Variants in KIAA1217 observed in about 807,000 individuals in gnomAD.
The protein encoded by KIAA1217 is KIAA1217.
In KIAA1217, 88 loss-of-function variants were observed where a neutral mutation model predicts 163.9. The observed-to-expected ratio is 0.54, with a 90% confidence interval of 0.45 to 0.64. KIAA1217 has a LOEUF of 0.64. Ranked by LOEUF, KIAA1217 falls within the 30% of genes least tolerant of loss-of-function variation. The pLI is 0.00. For missense variants in KIAA1217, 2,372 were observed against 2,475.0 expected, an observed-to-expected ratio of 0.96 and a Z score of 0.88; for synonymous variants, 903 against 923.1, an observed-to-expected ratio of 0.98 and a Z score of 0.39.
chr10:23,710,755 G>A (rs1487250268), intron 1 of KIAA1217, among the ~76,000 whole-genome samples: 1 of 152,124 alleles, frequency 6.6e-6, no homozygotes, highest in African/African-American at 2.4e-5. Context: ...AATCTGAATT[G>A]CAGAATAGAT....
At chr10:23,864,063 TGTAAA>T (rs751984275) in intron 1 of KIAA1217, among the ~76,000 whole-genome samples, 3 of 142,956 alleles carry the variant, frequency 2.1e-5, no homozygotes, top group African/African-American at 5.6e-5. Context: ...ACAAAAACCT[TGTAAA>T]GTAGTTATTA....
At chr10:23,997,579 GATA>G (rs1291147265) in intron 1 of KIAA1217, among the ~76,000 whole-genome samples, 1 of 152,124 alleles carries the variant, frequency 6.6e-6, no homozygotes, top group East Asian at 1.9e-4. Context: ...AAGGTTTCAG[GATA>G]ATATTTTCTA....
At chr10:23,931,686 C>T (rs1843257688) in intron 1 of KIAA1217, among the ~76,000 whole-genome samples, 1 of 152,154 alleles carries the variant, frequency 6.6e-6, no homozygotes, top group Admixed American at 6.6e-5. Context: ...CAAACGAGCC[C>T]CACTTTCCTT....
At chr10:24,264,578 G>A (rs553166766) in intron 2 of KIAA1217, among the ~76,000 whole-genome samples, 7 of 152,274 alleles carry the variant, frequency 4.6e-5, no homozygotes, top group African/African-American at 1.2e-4. Flanking sequence ...GAGTGATAAC[G>A]TGTTTCCTTC....
intron 2 of KIAA1217, among the ~76,000 whole-genome samples, chr10:24,136,940 A>G (rs2131822297): frequency 6.6e-6 from 1 of 152,324 alleles, no homozygotes; most frequent in Non-Finnish European, 1.5e-5. Flanking sequence ...GCTAACATTG[A>G]GAAGATTTTT....
chr10:24,353,942 G>A (rs1393080274), intron 2 of KIAA1217, among the ~76,000 whole-genome samples: 1 of 152,174 alleles, frequency 6.6e-6, no homozygotes, highest in East Asian at 1.9e-4. Flanking sequence ...CAGAGTGTAT[G>A]AACTCCACTT....
intron 2 of KIAA1217, among the ~76,000 whole-genome samples, chr10:24,266,734 A>T (rs1334090510): frequency 6.6e-6 from 1 of 152,138 alleles, no homozygotes; most frequent in Non-Finnish European, 1.5e-5. Context: ...TGGAGGATTA[A>T]AAAAAGGGCA....
intron 1 of KIAA1217, among the ~76,000 whole-genome samples, chr10:23,961,298 T>C (rs981117059): frequency 6.6e-6 from 1 of 152,214 alleles, no homozygotes; most frequent in African/African-American, 2.4e-5. Context: ...CATATGCCCT[T>C]TTGAGGACCT....
chr10:23,879,490 A>G (rs972834203), intron 1 of KIAA1217, among the ~76,000 whole-genome samples: 1 of 151,952 alleles, frequency 6.6e-6, no homozygotes, highest in South Asian at 2.1e-4. Flanking sequence ...GGGTGATTAA[A>G]TATATCAACA....
At chr10:24,481,944 C>T (rs920009128) in intron 6 of KIAA1217, 4 of 152,302 alleles carry the variant, frequency 2.6e-5, no homozygotes, top group Admixed American at 2.0e-4. Flanking sequence ...ATAAAAATGA[C>T]ATCTCGATAT....
At chr10:23,842,333 C>G (rs1401785226) in intron 1 of KIAA1217, among the ~76,000 whole-genome samples, 1 of 152,144 alleles carries the variant, frequency 6.6e-6, no homozygotes, top group Admixed American at 6.6e-5. Context: ...CTCCAAATTT[C>G]CAGAAACAAC....
At chr10:23,972,504 A>C (rs1845356981) in intron 1 of KIAA1217, among the ~76,000 whole-genome samples, 1 of 152,048 alleles carries the variant, frequency 6.6e-6, no homozygotes. Context: ...CAGCAAACTA[A>C]CACAAGAGCA....
At chr10:24,223,394 A>G (rs1409982867) in intron 2 of KIAA1217, among the ~76,000 whole-genome samples, 1 of 151,396 alleles carries the variant, frequency 6.6e-6, no homozygotes, top group African/African-American at 2.4e-5. Context: ...TTCTCCTACC[A>G]CCCATTTCCT....
chr10:24,147,625 C>G (rs2064379909), intron 2 of KIAA1217, among the ~76,000 whole-genome samples: 1 of 151,934 alleles, frequency 6.6e-6, no homozygotes, highest in Admixed American at 6.6e-5. Context: ...GGCGGATCAT[C>G]TGAGGTCAGG....
intron 1 of KIAA1217, among the ~76,000 whole-genome samples, chr10:23,948,090 G>T (rs1180427702): frequency 7.2e-5 from 11 of 152,136 alleles, no homozygotes; most frequent in Admixed American, 2.0e-4. Context: ...TCGTGAGGTT[G>T]TTTGGACTGA....
intron 5 of KIAA1217, among the ~76,000 whole-genome samples, chr10:24,447,905 G>A (rs1387476565): frequency 1.3e-5 from 2 of 152,254 alleles, no homozygotes; most frequent in African/African-American, 4.8e-5. Flanking sequence ...GCTGAGGCGG[G>A]CAGATCACGA....
intron 1 of KIAA1217, among the ~76,000 whole-genome samples, chr10:23,763,010 C>T (rs1205971275): frequency 6.6e-6 from 1 of 152,150 alleles, no homozygotes; most frequent in Non-Finnish European, 1.5e-5. Context: ...AACTCCCATT[C>T]ACAATTGCTA....
chr10:24,422,901 C>CTTTTTTTTTTTTTT (rs58161228), intron 3 of KIAA1217, among the ~76,000 whole-genome samples: 8 of 120,606 alleles, frequency 6.6e-5, no homozygotes, highest in South Asian at 2.5e-4. Context: ...ATAGATTTAA[C>CTTTTTTTTTTTTTT]TTTTTTTTTT....
At chr10:24,495,757 A>G (rs889479327) in intron 8 of KIAA1217, among the ~76,000 whole-genome samples, 1 of 152,246 alleles carries the variant, frequency 6.6e-6, no homozygotes, top group African/African-American at 2.4e-5. Flanking sequence ...GGGATGGATG[A>G]GAAGGGACAG....
Sources: gnomAD v4.1 joint callset for allele counts (sites outside exome capture counted in the v4.1 genomes callset) on GRCh38, gnomAD v4.1.1 for gene constraint, MANE v1.5 for transcripts, NCBI Gene and HGNC (gene_info 2026-07-23, HGNC 2026-07-21) for gene names.